Variants in HYDIN observed in about 807,000 individuals in gnomAD.
HYDIN encodes HYDIN axonemal central pair apparatus protein.
A neutral mutation model predicts 403.9 loss-of-function variants in HYDIN; 132 were observed. The observed-to-expected ratio is 0.33, with a 90% CI of 0.28 to 0.38. HYDIN has a LOEUF of 0.38. Ranked by LOEUF, HYDIN falls within the 10% of genes least tolerant of loss-of-function variation. The pLI, the probability that HYDIN is intolerant of heterozygous loss-of-function variation, is 1.00. For synonymous variants in HYDIN, 1,202 were observed against 1,891.7 expected, an observed-to-expected ratio of 0.64 and a Z score of 9.46; for missense variants, 2,827 against 5,009.5, an observed-to-expected ratio of 0.56 and a Z score of 13.15.
intron 55 of HYDIN, 97 bp from the exon 56 acceptor site, chr16:70,892,626 C>A: frequency 5.6e-6 from 8 of 1,427,496 alleles, no homozygotes; most frequent in Non-Finnish European, 7.4e-6. Context: ...TGCTGTGTTT[C>A]CAGCCCTGTT....
chr16:70,912,915 T>C (rs986923817), intron 47 of HYDIN, among the ~76,000 whole-genome samples: 1 of 148,270 alleles, frequency 6.7e-6, no homozygotes, highest in Non-Finnish European at 1.5e-5. Context: ...AGTTTGTGAG[T>C]GTAAAGGTGT....
intron 77 of HYDIN, among the ~76,000 whole-genome samples, chr16:70,836,408 G>T (rs2037428874): frequency 6.6e-6 from 1 of 152,240 alleles, no homozygotes; most frequent in Non-Finnish European, 1.5e-5. Context: ...TGGGAAGTCA[G>T]TGAAGTATGG....
intron 44 of HYDIN, among the ~76,000 whole-genome samples, chr16:70,938,148 C>A (rs1282347959): frequency 6.6e-6 from 1 of 152,226 alleles, no homozygotes. Context: ...AAGAAGGGGA[C>A]CCAGGCAGGG....
At chr16:70,841,734 G>C (rs1404678904) in intron 75 of HYDIN, among the ~76,000 whole-genome samples, 1 of 151,808 alleles carries the variant, frequency 6.6e-6, no homozygotes, top group African/African-American at 2.4e-5. Context: ...CCCCACCCCC[G>C]ACCTTTCTTC....
chr16:70,961,183 G>C (rs1293078285), intron 38 of HYDIN, among the ~76,000 whole-genome samples: 1 of 152,156 alleles, frequency 6.6e-6, no homozygotes, highest in African/African-American at 2.4e-5. Context: ...GCAGAGTCAG[G>C]GTGTATGGGG....
At chr16:71,050,624 C>A (rs1218541679) in intron 18 of HYDIN, among the ~76,000 whole-genome samples, 2 of 151,508 alleles carry the variant, frequency 1.3e-5, no homozygotes, top group Non-Finnish European at 3.0e-5. Context: ...TCTAGAACGT[C>A]ATACAATTGG....
At chr16:71,191,656 C>G (rs1597992534) in intron 1 of HYDIN, among the ~76,000 whole-genome samples, 2 of 152,250 alleles carry the variant, frequency 1.3e-5, no homozygotes, top group South Asian at 4.1e-4. Context: ...CTTAGACCAC[C>G]TCATCTGTTT....
rs767975121 is a variant in HYDIN, at chr16:70,862,086, C to A, written c.11739G>T (p.Pro3913=). The change falls in exon 69 of 86, where the codon CCG becomes CCT. Residue 3913 remains proline, a synonymous_variant. Transcript: ENST00000393567. ...KIQKFKVKFS[P]LDIGDFESNL... is the part of the protein sequence containing the mutation. ...TGCTCTCGAAGTCTCCAATGTCCAA[C>A]GGGGAGAATTTTACTTTGAACTTCT... 10 of 1,606,574 alleles carry A rather than the reference C, an allele frequency of 6.2e-6. No individual in the cohort carries two copies. Among genetic ancestry groups the A allele is most frequent in the Non-Finnish European group, 8.5e-6 (10 of 1,176,442 alleles).
chr16:71,006,793 G>A (rs976099913), intron 23 of HYDIN, among the ~76,000 whole-genome samples: 3 of 152,158 alleles, frequency 2.0e-5, no homozygotes, highest in South Asian at 2.1e-4. Context: ...AGCAGACCCC[G>A]TCAGTATTCC....
chr16:71,183,280 T>C (rs1414659724), intron 3 of HYDIN, among the ~76,000 whole-genome samples: 1 of 151,780 alleles, frequency 6.6e-6, no homozygotes, highest in African/African-American at 2.4e-5. Flanking sequence ...ATGAATGTAA[T>C]GACAATGCAA....
intron 18 of HYDIN, among the ~76,000 whole-genome samples, chr16:71,057,381 T>C (rs1198001980): frequency 1.3e-5 from 2 of 152,308 alleles, no homozygotes; most frequent in African/African-American, 2.4e-5. Flanking sequence ...AGATAAATGA[T>C]AATAAAAATA....
At chr16:70,838,206 T>G (rs963476681) in intron 76 of HYDIN, among the ~76,000 whole-genome samples, 1 of 152,120 alleles carries the variant, frequency 6.6e-6, no homozygotes, top group Non-Finnish European at 1.5e-5. Flanking sequence ...TTCTTTTTTT[T>G]TGGAGACAGA....
At chr16:71,061,492 T>C (rs1204313044) in intron 17 of HYDIN, among the ~76,000 whole-genome samples, 1 of 152,268 alleles carries the variant, frequency 6.6e-6, no homozygotes, top group Non-Finnish European at 1.5e-5. Context: ...TAGGATTCGA[T>C]GTTTATCCTT....
At chr16:70,938,418 C>A (rs867334890) in intron 44 of HYDIN, among the ~76,000 whole-genome samples, 196 bp downstream of exon 44, 6 of 152,242 alleles carry the variant, frequency 3.9e-5, no homozygotes, top group African/African-American at 1.4e-4. Context: ...GTGGGAGAAA[C>A]CCTGAATGGT....
chr16:70,952,976 C>T (rs187608569), intron 40 of HYDIN, among the ~76,000 whole-genome samples: 3 of 152,268 alleles, frequency 2.0e-5, no homozygotes, highest in Non-Finnish European at 4.4e-5. Flanking sequence ...GGTTCACGTG[C>T]TCAGCAGCCC....
At chr16:70,897,884 T>C (rs1464592704) in intron 53 of HYDIN, among the ~76,000 whole-genome samples, 2 of 151,794 alleles carry the variant, frequency 1.3e-5, no homozygotes, top group Non-Finnish European at 2.9e-5. Context: ...AATACAAAAA[T>C]GTGGCCGGTT....
At position 70,941,679 on chromosome 16, in the gene HYDIN, G is replaced by T. The variant is rs374995001; in HGVS notation, c.6810C>A (p.Tyr2270Ter). The T allele has an allele frequency of 6.3e-7, 1 of 1,586,530 alleles. No individual in the cohort carries two copies. Among genetic ancestry groups the T allele is most frequent in the Non-Finnish European group, 8.6e-7 (1 of 1,167,058 alleles). ...HIYILNMAQD[Y>*]AAMKAQEKAK... The stretch of plus-strand genomic sequence containing the variant: ...CTTTCTCCTGGGCCTTCATGGCTGC[G>T]TAATCCTGGGCCATGTTGAGAATGT... Residue 2270 changes from tyrosine to a stop codon, truncating the protein, a stop_gained, in exon 43 of 86, where the codon TAC (tyrosine) becomes TAA (stop). Coordinates refer to ENST00000393567, the MANE Select transcript of HYDIN (RefSeq NM_001270974.2). LOFTEE classifies it high-confidence loss of function.
At chr16:71,092,308 G>A (rs1226109759) in intron 11 of HYDIN, among the ~76,000 whole-genome samples, 4 of 152,134 alleles carry the variant, frequency 2.6e-5, no homozygotes, top group East Asian at 1.9e-4. Flanking sequence ...TGTAGACCAC[G>A]TGGTAGGGGT....
At chr16:71,107,873 T>C (rs1298941061) in intron 10 of HYDIN, among the ~76,000 whole-genome samples, 1 of 152,198 alleles carries the variant, frequency 6.6e-6, no homozygotes, top group African/African-American at 2.4e-5. Flanking sequence ...TGCATGTATA[T>C]GTTCATTGCA....
Sources: allele counts gnomAD v4.1 joint callset (sites outside exome capture counted in the v4.1 genomes callset), GRCh38; gene constraint gnomAD v4.1.1; transcripts MANE v1.5; gene names NCBI Gene and HGNC (gene_info 2026-07-23, HGNC 2026-07-21).